C12orf42: variants seen among roughly 807,000 people sequenced by gnomAD.
C12orf42 encodes chromosome 12 open reading frame 42.
Under a neutral mutation model 21.6 loss-of-function variants are expected in C12orf42, and 25 were observed. The ratio of observed to expected loss-of-function variants is 1.16; its 90% CI spans 0.84 to 1.62. The LOEUF (loss-of-function observed/expected upper bound fraction) is 1.62, where lower values mean the gene tolerates loss of function less well. Ranked by LOEUF, C12orf42 falls within the 40% of genes most tolerant of loss-of-function variation. The pLI is 0.00. For synonymous variants in C12orf42, 174 were observed against 175.0 expected, an observed-to-expected ratio of 0.99 and a Z score of 0.05; for missense variants, 483 against 459.3, an observed-to-expected ratio of 1.05 and a Z score of -0.47.
intron 5 of C12orf42, among the ~76,000 whole-genome samples, chr12:103,275,914 T>A (rs2035746123): frequency 6.6e-6 from 1 of 151,902 alleles, no homozygotes; most frequent in Admixed American, 6.6e-5. Context: ...CTACTAACAA[T>A]AAAAATAAAT....
chr12:103,513,568 G>C, the C12orf42 span, among the ~76,000 whole-genome samples: 1 of 152,064 alleles, frequency 6.6e-6, no homozygotes, highest in African/African-American at 2.4e-5. Context: ...ACCAAAAAAA[G>C]AAAAAGCTTT....
At chr12:103,087,904 T>C in the C12orf42 span, among the ~76,000 whole-genome samples, 1 of 152,262 alleles carries the variant, frequency 6.6e-6, no homozygotes, top group East Asian at 1.9e-4. Flanking sequence ...TATTATAAAC[T>C]AGAACCCATT....
At chr12:103,116,379 A>T in the C12orf42 span, among the ~76,000 whole-genome samples, 508 of 128,938 alleles carry the variant, frequency 3.9e-3, 2 homozygotes, top group East Asian at 0.041. Flanking sequence ...AGAAAAAAAA[A>T]AAATATATAT....
At chr12:103,183,040 G>T in the C12orf42 span, among the ~76,000 whole-genome samples, 17 of 152,174 alleles carry the variant, frequency 1.1e-4, no homozygotes, top group Non-Finnish European at 1.5e-4. Context: ...TTTTGTGAAA[G>T]AATTTGTATA....
At chr12:103,434,479 A>T (rs1323438335) in intron 2 of C12orf42, among the ~76,000 whole-genome samples, 1 of 152,108 alleles carries the variant, frequency 6.6e-6, no homozygotes, top group East Asian at 1.9e-4. Flanking sequence ...CTGCATTTCC[A>T]TTTGAGGTAC....
chr12:103,272,943 T>C (rs1191023000), intron 5 of C12orf42, among the ~76,000 whole-genome samples: 1 of 152,210 alleles, frequency 6.6e-6, no homozygotes, highest in Non-Finnish European at 1.5e-5. Context: ...TCTCCGCTTC[T>C]AGTAAATCAC....
At chr12:103,078,331 C>T in the C12orf42 span, among the ~76,000 whole-genome samples, 1 of 152,178 alleles carries the variant, frequency 6.6e-6, no homozygotes, top group Admixed American at 6.6e-5. Flanking sequence ...TTCAAAGCAT[C>T]AAAGTTTATG....
At chr12:103,109,537 T>G in the C12orf42 span, among the ~76,000 whole-genome samples, 1 of 151,542 alleles carries the variant, frequency 6.6e-6, no homozygotes, top group Non-Finnish European at 1.5e-5. Flanking sequence ...TGCGAAACTT[T>G]AATACATTTA....
intron 5 of C12orf42, among the ~76,000 whole-genome samples, chr12:103,305,685 G>A (rs1002058112): frequency 1.3e-5 from 2 of 152,156 alleles, no homozygotes; most frequent in Non-Finnish European, 2.9e-5. Flanking sequence ...CTGGCACATG[G>A]TGAAAGCTTA....
At chr12:103,345,352 C>A (rs1303049746) in intron 4 of C12orf42, among the ~76,000 whole-genome samples, 1 of 152,144 alleles carries the variant, frequency 6.6e-6, no homozygotes, top group African/African-American at 2.4e-5. Context: ...ACACAGAAAG[C>A]ACTTAGAAGA....
At chr12:103,429,449 A>G (rs1377062076) in intron 2 of C12orf42, among the ~76,000 whole-genome samples, 1 of 152,234 alleles carries the variant, frequency 6.6e-6, no homozygotes, top group Non-Finnish European at 1.5e-5. Flanking sequence ...ACTACAAACC[A>G]TTGCTCAAGG....
chr12:103,313,718 C>T (rs2039187172), intron 4 of C12orf42, among the ~76,000 whole-genome samples: 1 of 152,162 alleles, frequency 6.6e-6, no homozygotes, highest in Non-Finnish European at 1.5e-5. Context: ...TACTTCCTTC[C>T]TCTCTCCCTC....
chr12:103,264,770 T>A (rs2035081131), downstream of C12orf42, among the ~76,000 whole-genome samples: 1 of 152,134 alleles, frequency 6.6e-6, no homozygotes, highest in African/African-American at 2.4e-5. Context: ...ACTCCAAAAG[T>A]AAATTCTAGA....
chr12:103,215,289 T>A, the C12orf42 span, among the ~76,000 whole-genome samples: 11 of 152,008 alleles, frequency 7.2e-5, no homozygotes, highest in East Asian at 1.9e-3. Context: ...CTAATGCAAA[T>A]ATAAATACAT....
chr12:103,543,964 G>C, the C12orf42 span, among the ~76,000 whole-genome samples: 18 of 150,736 alleles, frequency 1.2e-4, no homozygotes, highest in Non-Finnish European at 5.9e-5. Flanking sequence ...CGCGATCTCA[G>C]CTCACTGCAA....
chr12:103,082,791 G>A, the C12orf42 span, among the ~76,000 whole-genome samples: 8 of 152,190 alleles, frequency 5.3e-5, no homozygotes, highest in African/African-American at 1.2e-4. Context: ...CTGTTACTGC[G>A]CTATTTTATT....
the C12orf42 span, among the ~76,000 whole-genome samples, chr12:103,110,435 A>G: frequency 6.6e-6 from 1 of 152,232 alleles, no homozygotes; most frequent in Non-Finnish European, 1.5e-5. Flanking sequence ...AGTAAGGGTT[A>G]TCTCTGGGAA....
chr12:103,313,656 G>A (rs1308259649), intron 4 of C12orf42, among the ~76,000 whole-genome samples: 4 of 152,292 alleles, frequency 2.6e-5, no homozygotes, highest in East Asian at 3.9e-4. Flanking sequence ...AGCAGTACCT[G>A]CCACATAGGA....
At chr12:103,284,836 G>A (rs1307207108) in intron 4 of C12orf42, among the ~76,000 whole-genome samples, 1 of 152,050 alleles carries the variant, frequency 6.6e-6, no homozygotes, top group Non-Finnish European at 1.5e-5. Flanking sequence ...ATGGTATAAA[G>A]ACTACTATAA....
Sources: allele counts gnomAD v4.1 joint callset (sites outside exome capture counted in the v4.1 genomes callset), GRCh38; gene constraint gnomAD v4.1.1; transcripts MANE v1.5; gene names NCBI Gene and HGNC (gene_info 2026-07-23, HGNC 2026-07-21).